Variants in TMEM232 observed in about 807,000 individuals in gnomAD.
TMEM232 encodes transmembrane protein 232.
In TMEM232, 80 loss-of-function variants were observed where a neutral mutation model predicts 78.8. That is an observed-to-expected ratio of 1.01 (90% CI 0.85 to 1.22). The LOEUF (loss-of-function observed/expected upper bound fraction) is 1.22. Ranked by LOEUF, TMEM232 falls within the 50% of genes most tolerant of loss-of-function variation. The pLI is 0.00. For missense variants in TMEM232, 881 were observed against 742.2 expected, an observed-to-expected ratio of 1.19 and a Z score of -2.17; for synonymous variants, 297 against 254.3, an observed-to-expected ratio of 1.17 and a Z score of -1.60.
intron 12 of TMEM232, among the ~76,000 whole-genome samples, chr5:110,480,581 T>C (rs993828464): frequency 2.0e-5 from 3 of 152,078 alleles, no homozygotes; most frequent in Non-Finnish European, 1.5e-5. Flanking sequence ...GGTGCACTTC[T>C]TGCAATGGAA....
intron 4 of TMEM232, among the ~76,000 whole-genome samples, chr5:110,389,207 G>A (rs1226270880): frequency 6.6e-6 from 1 of 152,098 alleles, no homozygotes; most frequent in Non-Finnish European, 1.5e-5. Flanking sequence ...GCTGCAGTGA[G>A]CCGAGATCGC....
intron 12 of TMEM232, among the ~76,000 whole-genome samples, chr5:110,461,338 C>T (rs1761506713): frequency 6.6e-6 from 1 of 151,898 alleles, no homozygotes; most frequent in Admixed American, 6.6e-5. Context: ...AAGCCTAATC[C>T]AGAGCAAGGC....
intron 1 of TMEM232, among the ~76,000 whole-genome samples, chr5:110,719,250 T>A (rs951452228): frequency 1.3e-5 from 2 of 151,992 alleles, no homozygotes; most frequent in African/African-American, 4.8e-5. Flanking sequence ...CACAGTCATG[T>A]GCTGCATATA....
At chr5:110,525,860 A>G (rs1365023059) in intron 12 of TMEM232, among the ~76,000 whole-genome samples, 2 of 151,314 alleles carry the variant, frequency 1.3e-5, no homozygotes, top group African/African-American at 4.8e-5. Context: ...AGAATAAAGG[A>G]CTAGAATAAA....
chr5:110,469,780 A>G lies in TMEM232; in HGVS notation c.1704-44864T>C, dbSNP rs1056005897. 2.0e-5 allele frequency among the ~76,000 whole-genome samples: 3 copies of G among 152,166 alleles called. No individual in the cohort carries two copies. In the East Asian group the frequency reaches 5.8e-4, roughly 29 times the overall value. ...AGTGCGTTGGCTAAGCGGAGCAGCT[A>G]TGTACACCACGATTGCACTGATAGA... On this transcript the variant is annotated intron_variant, in intron 12 of 13. Coordinates refer to ENST00000455884, the MANE Select transcript of TMEM232 (RefSeq NM_001039763.4).
At chr5:110,411,269 A>C (rs147132510) in intron 2 of TMEM232, among the ~76,000 whole-genome samples, 1 of 152,132 alleles carries the variant, frequency 6.6e-6, no homozygotes, top group Non-Finnish European at 1.5e-5. Flanking sequence ...CAGGTATTGG[A>C]GCTCTCTCCC....
At chr5:110,728,944 G>C (rs1400433680), upstream of TMEM232, among the ~76,000 whole-genome samples, 2 of 151,350 alleles carry the variant, frequency 1.3e-5, no homozygotes, top group African/African-American at 2.4e-5. Context: ...GAGTGCAATG[G>C]AGCGATCTCA....
At chr5:110,572,658 G>A (rs1777090646) in intron 10 of TMEM232, among the ~76,000 whole-genome samples, 1 of 151,992 alleles carries the variant, frequency 6.6e-6, no homozygotes, top group Admixed American at 6.6e-5. Flanking sequence ...TATTCTGATA[G>A]TTATGTTTTA....
At chr5:110,717,186 C>A (rs747868310) in intron 1 of TMEM232, among the ~76,000 whole-genome samples, 73 of 151,956 alleles carry the variant, frequency 4.8e-4, no homozygotes, top group Non-Finnish European at 8.4e-4. Flanking sequence ...TTACCCCACC[C>A]CCCGCCACAT....
At chr5:110,596,979 C>G (rs202049589) in intron 10 of TMEM232, among the ~76,000 whole-genome samples, 1 of 152,098 alleles carries the variant, frequency 6.6e-6, no homozygotes, top group Non-Finnish European at 1.5e-5. Flanking sequence ...CTCTCTCACC[C>G]CTCCTATTCA....
intron 10 of TMEM232, among the ~76,000 whole-genome samples, chr5:110,578,613 A>C (rs1006991962): frequency 6.6e-6 from 1 of 151,816 alleles, no homozygotes; most frequent in African/African-American, 2.4e-5. Flanking sequence ...TTCTTACCTA[A>C]ATATTTCCTA....
At chr5:110,416,366 A>G (rs1405360502), downstream of TMEM232, among the ~76,000 whole-genome samples, 1 of 152,218 alleles carries the variant, frequency 6.6e-6, no homozygotes, top group Non-Finnish European at 1.5e-5. Context: ...GGAGGTGACA[A>G]GTGTCATTGA....
At chr5:110,690,575 A>G (rs894053152) in intron 1 of TMEM232, among the ~76,000 whole-genome samples, 2 of 152,212 alleles carry the variant, frequency 1.3e-5, no homozygotes, top group Non-Finnish European at 2.9e-5. Flanking sequence ...GTGATTCCTC[A>G]ATGATCTAGA....
downstream of TMEM232, chr5:110,417,841 C>T (rs78694477): frequency 1.4e-4 from 22 of 152,196 alleles, no homozygotes; most frequent in East Asian, 4.3e-3. Context: ...GGAAGAGTTT[C>T]AGGATGAGAG....
chr5:110,543,768 A>T (rs962518277), intron 11 of TMEM232, among the ~76,000 whole-genome samples: 1 of 152,140 alleles, frequency 6.6e-6, no homozygotes, highest in African/African-American at 2.4e-5. Context: ...TCAACCCAGG[A>T]AGACTCTACC....
At chr5:110,668,073 T>A (rs1236453301) in intron 1 of TMEM232, among the ~76,000 whole-genome samples, 2 of 152,140 alleles carry the variant, frequency 1.3e-5, no homozygotes, top group African/African-American at 4.8e-5. Context: ...TTCATTTTTT[T>A]AAATAGCTAA....
intron 11 of TMEM232, among the ~76,000 whole-genome samples, chr5:110,551,954 G>C (rs1010358608): frequency 2.0e-5 from 3 of 151,866 alleles, no homozygotes; most frequent in East Asian, 3.9e-4. Context: ...TAATGGCCAG[G>C]CTACCTGCAC....
chr5:110,503,678 A>G (rs1398142514), intron 12 of TMEM232, among the ~76,000 whole-genome samples: 1 of 152,160 alleles, frequency 6.6e-6, no homozygotes, highest in Non-Finnish European at 1.5e-5. Flanking sequence ...TTGAAATTCC[A>G]TGGGATTAAT....
At chr5:110,720,736 A>G (rs572282002) in intron 1 of TMEM232, 22 of 152,270 alleles carry the variant, frequency 1.4e-4, no homozygotes, top group African/African-American at 5.3e-4. Flanking sequence ...TACTTCAGAT[A>G]AAATCATACG....
Sources: allele counts gnomAD v4.1 joint callset (sites outside exome capture counted in the v4.1 genomes callset), GRCh38; gene constraint gnomAD v4.1.1; transcripts MANE v1.5; gene names NCBI Gene and HGNC (gene_info 2026-07-23, HGNC 2026-07-21).